Variants in SLC39A9 observed in about 807,000 individuals in gnomAD.
SLC39A9 encodes the protein solute carrier family 39 member 9.
SLC39A9 carries 14 observed loss-of-function variants against 28.4 expected under a neutral mutation model. The ratio of observed to expected loss-of-function variants is 0.49; its 90% CI spans 0.33 to 0.77. The LOEUF is 0.77. Ranked by LOEUF, SLC39A9 falls within the 30% of genes least tolerant of loss-of-function variation. The pLI, the probability that SLC39A9 is intolerant of heterozygous loss-of-function variation, is 0.02. For synonymous variants in SLC39A9, 119 were observed against 149.6 expected, an observed-to-expected ratio of 0.80 and a Z score of 1.49; for missense variants, 283 against 381.1, an observed-to-expected ratio of 0.74 and a Z score of 2.14.
At chr14:69,426,507 C>T (rs908504666) in intron 2 of SLC39A9, among the ~76,000 whole-genome samples, 3 of 152,198 alleles carry the variant, frequency 2.0e-5, no homozygotes, top group East Asian at 1.9e-4. Context: ...AGTTGGGGTG[C>T]GCCACCCTCC....
chr14:69,449,161 T>C (rs570362915), intron 3 of SLC39A9, among the ~76,000 whole-genome samples: 3 of 152,374 alleles, frequency 2.0e-5, no homozygotes, highest in African/African-American at 7.2e-5. Context: ...GAGTTATATT[T>C]TTTAATAAAA....
In SLC39A9 at chr14:69,406,848, GT is replaced by G. The variant is rs398025544; in HGVS notation, c.96+7403del. Among the ~76,000 whole-genome samples, 89 of 95,894 alleles carry G rather than the reference GT, an allele frequency of 9.3e-4. 1 individual carries two copies. The highest frequency in any genetic ancestry group is 2.8e-3 in the African/African-American group (67 of 23,822). The allele number at this position is 95,894 out of a possible 152,430, so 62.9% of individuals were successfully genotyped here. A position where few individuals can be genotyped will look rare whatever the true frequency, so the allele number is the denominator to read the frequency against. On this transcript the variant is annotated intron_variant, in intron 1 of 6. Coordinates refer to ENST00000336643, the MANE Select transcript of SLC39A9 (RefSeq NM_018375.5). ...ATATTAGTTAGACTGGAAATTCTTT[GT>G]TTTTTTTTTTTTTTTTTTTGAGATG...
At chr14:69,449,723 C>A (rs1885513265) in intron 3 of SLC39A9, among the ~76,000 whole-genome samples, 1 of 152,204 alleles carries the variant, frequency 6.6e-6, no homozygotes, top group Non-Finnish European at 1.5e-5. Context: ...TGACCTTATT[C>A]ATGGTCAGGA....
intron 2 of SLC39A9, 31 bp from the exon 3 acceptor site, chr14:69,442,036 CAT>C (rs1885071842): frequency 5.0e-6 from 8 of 1,592,374 alleles, no homozygotes; most frequent in Non-Finnish European, 6.8e-6. Context: ...AGGGGAAAAA[CAT>C]ATTTTCTCTT....
chr14:69,398,837 C>T lies in SLC39A9; in HGVS notation c.-533C>T, dbSNP rs1882456343. 5.2e-6 allele frequency: 1 copy of T among 193,706 alleles called. No individual in the cohort carries two copies. The highest frequency in any genetic ancestry group is 6.0e-5 in the Admixed American group (1 of 16,702). 12.0% of individuals were successfully genotyped at this position (193,706 alleles called of 1,614,324 possible). Reference sequence around the variant, plus strand: ...TTGCTGCTGAACCCCTAGGACCCATCGTTAGAGACCTGCAGGACTCCTTTC... The same window carrying T: ...TTGCTGCTGAACCCCTAGGACCCATTGTTAGAGACCTGCAGGACTCCTTTC... On this transcript the variant is annotated 5_prime_UTR_variant, in exon 1 of 7. Transcript: ENST00000336643.
chr14:69,424,044 T>C (rs1348315158), intron 1 of SLC39A9, 50 bp from the exon 2 acceptor site: 1 of 1,395,076 alleles, frequency 7.2e-7, no homozygotes, highest in Non-Finnish European at 1.0e-6. Flanking sequence ...AGAAACTTTT[T>C]CCCATTAATT....
intron 1 of SLC39A9, among the ~76,000 whole-genome samples, chr14:69,411,834 G>A (rs563128212): frequency 4.0e-5 from 6 of 149,864 alleles, no homozygotes; most frequent in African/African-American, 1.5e-4. Context: ...CCAGGCTGGA[G>A]TGCAGTGGCG....
At chr14:69,408,580 A>C (rs1883068261) in intron 1 of SLC39A9, among the ~76,000 whole-genome samples, 1 of 152,148 alleles carries the variant, frequency 6.6e-6, no homozygotes, top group South Asian at 2.1e-4. Flanking sequence ...ATGACACCAA[A>C]TCTTCCTATT....
chr14:69,404,886 A>G (rs990164740), intron 1 of SLC39A9, among the ~76,000 whole-genome samples: 1 of 152,200 alleles, frequency 6.6e-6, no homozygotes, highest in Non-Finnish European at 1.5e-5. Flanking sequence ...GCTAATAAAG[A>G]CATTTCTGAG....
Position 69,458,694 on chromosome 14 carries a change from G to T in SLC39A9, c.*101G>T, listed in dbSNP as rs879651432. 6.9e-7 allele frequency: 1 copy of T among 1,450,772 alleles called. No individual in the cohort carries two copies. The highest frequency in any genetic ancestry group is 9.1e-7 in the Non-Finnish European group (1 of 1,101,518). The allele number at this position is 1,450,772 out of a possible 1,614,324, so 89.9% of individuals were successfully genotyped here. A position where few individuals can be genotyped will look rare whatever the true frequency, so the allele number is the denominator to read the frequency against. The stretch of plus-strand genomic sequence containing the variant: ...TCCTCAGTCTCTTGTCTCACCTTGC[G>T]CATCTCTACATGTATTCCTAGAGTC... On this transcript the variant is annotated 3_prime_UTR_variant, in exon 7 of 7. Coordinates refer to ENST00000336643, the MANE Select transcript of SLC39A9 (RefSeq NM_018375.5).
At chr14:69,458,153 T>C (rs1885953959) in intron 6 of SLC39A9, among the ~76,000 whole-genome samples, 1 of 152,234 alleles carries the variant, frequency 6.6e-6, no homozygotes, top group South Asian at 2.1e-4. Flanking sequence ...AATAAATTTT[T>C]TAAAAAATCA....
upstream of SLC39A9, chr14:69,398,604 G>C: frequency 3.3e-6 from 1 of 299,926 alleles, no homozygotes; most frequent in South Asian, 3.6e-5. Flanking sequence ...TGGCGGCAAC[G>C]TAAGTATCCT....
chr14:69,446,618 A>G (rs1885317520), intron 3 of SLC39A9, among the ~76,000 whole-genome samples: 1 of 152,106 alleles, frequency 6.6e-6, no homozygotes, highest in Admixed American at 6.6e-5. Context: ...CACACCTGTA[A>G]TCCCAGCACT....
chr14:69,411,817 C>G (rs1017653495), intron 1 of SLC39A9, among the ~76,000 whole-genome samples: 11 of 147,874 alleles, frequency 7.4e-5, no homozygotes, highest in African/African-American at 2.5e-4. Flanking sequence ...GAGTCTCGCT[C>G]TGTCGCCCAG....
chr14:69,420,564 G>A (rs1883827307), intron 1 of SLC39A9, among the ~76,000 whole-genome samples: 1 of 152,184 alleles, frequency 6.6e-6, no homozygotes, highest in Non-Finnish European at 1.5e-5. Context: ...TGTTGGGGAA[G>A]TTCTCCTGGA....
intron 1 of SLC39A9, among the ~76,000 whole-genome samples, chr14:69,402,136 C>G (rs189678784): frequency 2.6e-5 from 4 of 151,958 alleles, no homozygotes; most frequent in Non-Finnish European, 5.9e-5. Context: ...TCAGGGGTGT[C>G]CAATCTTTTG....
chr14:69,446,946 A>AG (rs1594943897), intron 3 of SLC39A9, among the ~76,000 whole-genome samples: 2 of 120,128 alleles, frequency 1.7e-5, no homozygotes, highest in Non-Finnish European at 3.9e-5. Flanking sequence ...ATATATATAT[A>AG]TAGAGAGAGA....
At chr14:69,426,358 A>G (rs1193444723) in intron 2 of SLC39A9, among the ~76,000 whole-genome samples, 1 of 152,216 alleles carries the variant, frequency 6.6e-6, no homozygotes, top group Non-Finnish European at 1.5e-5. Flanking sequence ...CAGAACTCAG[A>G]GAAACACTTA....
intron 1 of SLC39A9, among the ~76,000 whole-genome samples, chr14:69,413,713 C>CT (rs939467134): frequency 4.3e-4 from 66 of 151,886 alleles, no homozygotes; most frequent in African/African-American, 1.5e-3. Flanking sequence ...TGAATATCAT[C>CT]TTTTTTGGAG....
Sources: allele counts gnomAD v4.1 joint callset (sites outside exome capture counted in the v4.1 genomes callset), GRCh38; gene constraint gnomAD v4.1.1; transcripts MANE v1.5; gene names NCBI Gene and HGNC (gene_info 2026-07-23, HGNC 2026-07-21).